The following RAB3GAP2 variants were observed in gnomAD, a reference collection of about 807,000 sequenced individuals.
The protein encoded by RAB3GAP2 is RAB3 GTPase activating non-catalytic protein subunit 2, also known as rab3 GTPase-activating protein non-catalytic subunit.
Under a neutral mutation model 185.3 loss-of-function variants are expected in RAB3GAP2, and 87 were observed. That is an observed-to-expected ratio of 0.47 (90% CI 0.39 to 0.56). The LOEUF (loss-of-function observed/expected upper bound fraction) is 0.56. RAB3GAP2 is among the 20% of genes least tolerant of loss of function. RAB3GAP2 has a pLI of 0.00. For synonymous variants in RAB3GAP2, 554 were observed against 576.1 expected (o/e 0.96, Z 0.55); for missense variants, 1,492 against 1,638.2 (o/e 0.91, Z 1.54).
At chr1:220,244,388 G>A (rs1001623113) in intron 1 of RAB3GAP2, among the ~76,000 whole-genome samples, 1 of 152,140 alleles carries the variant, frequency 6.6e-6, no homozygotes, top group Non-Finnish European at 1.5e-5. Context: ...ACAAAACGCT[G>A]CTGAAAGAAA....
chr1:220,172,159 T>G, intron 22 of RAB3GAP2, 110 bp from the exon 23 acceptor site: 1 of 1,081,006 alleles, frequency 9.3e-7, no homozygotes, highest in Non-Finnish European at 1.4e-6. Context: ...TGATGTGTTT[T>G]TGTATTTCTC....
At chr1:220,184,457 G>A (rs953647892) in intron 18 of RAB3GAP2, among the ~76,000 whole-genome samples, 3 of 151,962 alleles carry the variant, frequency 2.0e-5, no homozygotes, top group Admixed American at 2.0e-4. Flanking sequence ...AAATACCTTT[G>A]AAAATATTTT....
chr1:220,233,833 T>A (rs2102892298), intron 1 of RAB3GAP2, among the ~76,000 whole-genome samples: 1 of 152,256 alleles, frequency 6.6e-6, no homozygotes, highest in South Asian at 2.1e-4. Context: ...CTGGAGTAGC[T>A]GGGACTACAG....
At chr1:220,176,749 C>T (rs1020171570) in intron 21 of RAB3GAP2, among the ~76,000 whole-genome samples, 3 of 152,156 alleles carry the variant, frequency 2.0e-5, no homozygotes, top group African/African-American at 7.2e-5. Flanking sequence ...TATCTCACAG[C>T]AGATCCCCCT....
intron 2 of RAB3GAP2, among the ~76,000 whole-genome samples, chr1:220,216,230 G>C (rs567656631): frequency 2.0e-5 from 3 of 152,148 alleles, no homozygotes; most frequent in Non-Finnish European, 4.4e-5. Flanking sequence ...TCTCCCGAAA[G>C]ATAGGGAGAA....
intron 1 of RAB3GAP2, among the ~76,000 whole-genome samples, chr1:220,245,441 A>C (rs1366757602): frequency 6.6e-6 from 1 of 152,198 alleles, no homozygotes; most frequent in East Asian, 1.9e-4. Context: ...CTCCCACCCG[A>C]ATATTGCGCT....
chr1:220,190,272 C>T (rs1658590354), intron 15 of RAB3GAP2, 105 bp downstream of exon 15: 1 of 1,555,976 alleles, frequency 6.4e-7, no homozygotes, highest in Admixed American at 1.7e-5. Flanking sequence ...AGTCTAAAGA[C>T]AAAGGAAACA....
At chr1:220,180,972 C>T (rs568388095) in intron 21 of RAB3GAP2, among the ~76,000 whole-genome samples, 7 of 152,290 alleles carry the variant, frequency 4.6e-5, no homozygotes, top group African/African-American at 1.7e-4. Context: ...TCCATCTATA[C>T]TGAACATGTA....
Position 220,151,764 on chromosome 1 carries a change from C to T in RAB3GAP2, c.3868G>A (p.Ala1290Thr). 6.2e-7 allele frequency: 1 copy of T among 1,604,428 alleles called. No individual in the cohort carries two copies. Among genetic ancestry groups the T allele is most frequent in the Non-Finnish European group, 8.5e-7 (1 of 1,171,284 alleles). Residue 1290 changes from alanine to threonine, a missense_variant and splice_region_variant, in exon 34 of 35, where the codon GCC becomes ACC. Transcript: ENST00000358951. ...NYGVDHLGEEAILQVHDKEVL... is the reference protein window; with the variant it reads ...NYGVDHLGEETILQVHDKEVL... ...TCTTTGTCATGAACCTGTAGAATGG[C>T]CTGAAGATAGGAACATGGAGAAATA... is the stretch of plus-strand genomic sequence containing the variant.
intron 21 of RAB3GAP2, among the ~76,000 whole-genome samples, chr1:220,180,724 C>T (rs1658387694): frequency 6.6e-6 from 1 of 152,170 alleles, no homozygotes; most frequent in Admixed American, 6.5e-5. Flanking sequence ...CTTCCAAACT[C>T]ATTCTATGAG....
rs544142650 is a variant in RAB3GAP2 at position 220,171,915 on chromosome 1, T to A, written c.2551A>T (p.Ile851Leu). The A allele has an allele frequency of 1.2e-6, 2 of 1,614,208 alleles. No homozygotes were observed. The highest frequency in any genetic ancestry group is 2.2e-5 in the East Asian group (1 of 44,880). The change falls in exon 23 of 35, where the codon ATA becomes TTA. Residue 851 changes from isoleucine to leucine, a missense_variant. By Grantham distance (5) the Ile-to-Leu change is conservative. This residue lies in a region of RAB3GAP2 where 681 missense variants were observed against 689.1 expected (regional missense o/e 0.99). Transcript: ENST00000358951. ...AHVGHSVAAQ[I>L]SNNMTEKKFS... ...TTTTTCTCTGTCATGTTGTTTGATA[T>A]CTGTGCAGCAACAGAATGCCCAACA...
chr1:220,248,982 A>G (rs1290181028), intron 1 of RAB3GAP2, among the ~76,000 whole-genome samples: 2 of 152,340 alleles, frequency 1.3e-5, no homozygotes, highest in Non-Finnish European at 2.9e-5. Context: ...GAGTCAGTTA[A>G]ACTTCTTTCC....
intron 1 of RAB3GAP2, among the ~76,000 whole-genome samples, chr1:220,240,418 G>A (rs759954419): frequency 6.6e-6 from 1 of 151,980 alleles, no homozygotes; most frequent in Non-Finnish European, 1.5e-5. Flanking sequence ...TTCTTAAGGG[G>A]TGAACTTCCT....
At chr1:220,227,268 T>C (rs1339535318) in intron 2 of RAB3GAP2, among the ~76,000 whole-genome samples, 1 of 152,202 alleles carries the variant, frequency 6.6e-6, no homozygotes, top group South Asian at 2.1e-4. Flanking sequence ...CGGCCGATAG[T>C]GTATATTAAA....
At chr1:220,234,268 A>G (rs1659553119) in intron 1 of RAB3GAP2, among the ~76,000 whole-genome samples, 1 of 151,658 alleles carries the variant, frequency 6.6e-6, no homozygotes, top group Non-Finnish European at 1.5e-5. Context: ...ATCAGCTTTA[A>G]AATTCTGGGG....
chr1:220,268,281 G>A (rs1571938976), intron 1 of RAB3GAP2, among the ~76,000 whole-genome samples: 1 of 152,078 alleles, frequency 6.6e-6, no homozygotes, highest in South Asian at 2.1e-4. Context: ...ATTACGGCTT[G>A]GCCTAGACTA....
chr1:220,233,637 C>A (rs1398235943), intron 1 of RAB3GAP2, among the ~76,000 whole-genome samples: 1 of 152,044 alleles, frequency 6.6e-6, no homozygotes, highest in African/African-American at 2.4e-5. Flanking sequence ...CAGAATCACG[C>A]TGCCTAAGTT....
chr1:220,238,790 A>G (rs1016530906), intron 1 of RAB3GAP2, among the ~76,000 whole-genome samples: 8 of 152,204 alleles, frequency 5.3e-5, no homozygotes, highest in African/African-American at 1.9e-4. Context: ...AAACTACAGC[A>G]TTTGACTGTG....
At chr1:220,206,877 A>G (rs1658978206) in intron 7 of RAB3GAP2, among the ~76,000 whole-genome samples, 1 of 152,178 alleles carries the variant, frequency 6.6e-6, no homozygotes, top group African/African-American at 2.4e-5. Context: ...CTCCATCTCA[A>G]ACAACATACA....
Sources: gnomAD v4.1 joint callset for allele counts (sites outside exome capture counted in the v4.1 genomes callset) on GRCh38, gnomAD v4.1.1 for gene constraint, gnomAD v4.1.1 regional missense constraint, MANE v1.5 for transcripts, NCBI Gene and HGNC (gene_info 2026-07-23, HGNC 2026-07-21) for gene names.